MAPT: variants seen among roughly 807,000 people sequenced by gnomAD.
The protein encoded by MAPT is microtubule-associated protein tau.
A neutral mutation model predicts 67.9 loss-of-function variants in MAPT; 34 were observed. The observed-to-expected ratio is 0.50, with a 90% CI of 0.38 to 0.67. The LOEUF (loss-of-function observed/expected upper bound fraction) is 0.67, where lower values mean the gene tolerates loss of function less well. Ranked by LOEUF, MAPT falls within the 30% of genes least tolerant of loss-of-function variation. The pLI, the probability that MAPT is intolerant of heterozygous loss-of-function variation, is 0.00. For synonymous variants in MAPT, 456 were observed against 464.5 expected (o/e 0.98, Z 0.23); for missense variants, 881 against 1,115.2 (o/e 0.79, Z 2.99).
At chr17:46,018,929 C>T (rs1022330101) in intron 12 of MAPT, among the ~76,000 whole-genome samples, 199 bp downstream of exon 12, 2 of 152,186 alleles carry the variant, frequency 1.3e-5, no homozygotes, top group African/African-American at 2.4e-5. Flanking sequence ...CGTTTCACAC[C>T]TGGGCCCCAA....
chr17:45,905,230 A>G (rs1013713015), intron 1 of MAPT, among the ~76,000 whole-genome samples: 12 of 152,170 alleles, frequency 7.9e-5, no homozygotes, highest in African/African-American at 2.7e-4. Context: ...ATTAAAACCT[A>G]TTTAATATTT....
chr17:45,946,615 A>AAAAAAAAAAAAAAATATATATAT, intron 1 of MAPT, among the ~76,000 whole-genome samples: 16 of 100,382 alleles, frequency 1.6e-4, no homozygotes, highest in Non-Finnish European at 2.7e-4. Context: ...AAAAAAAAAA[A>AAAAAAAAAAAAAAATATATATAT]ATATATATAT....
At chr17:45,986,408 G>A (rs1017165445) in intron 5 of MAPT, among the ~76,000 whole-genome samples, 11 of 152,328 alleles carry the variant, frequency 7.2e-5, no homozygotes, top group African/African-American at 2.4e-4. Flanking sequence ...GCATAAGATG[G>A]CCAGGAAGGT....
At chr17:45,945,897 A>G (rs1201703494) in intron 1 of MAPT, among the ~76,000 whole-genome samples, 1 of 152,212 alleles carries the variant, frequency 6.6e-6, no homozygotes, top group East Asian at 1.9e-4. Context: ...CTGGTGTAAT[A>G]TGGTGCCATG....
chr17:45,913,444 G>A (rs1249790809), intron 1 of MAPT, among the ~76,000 whole-genome samples: 1 of 152,158 alleles, frequency 6.6e-6, no homozygotes. Context: ...GATAAATCAC[G>A]TGAAATATCG....
At chr17:45,966,853 T>A (rs185375554) in intron 2 of MAPT, among the ~76,000 whole-genome samples, 1 of 152,366 alleles carries the variant, frequency 6.6e-6, no homozygotes, top group East Asian at 1.9e-4. Context: ...GCCAACCTTT[T>A]AGAAATTGCT....
At chr17:45,956,842 CTG>C (rs758307448) in intron 1 of MAPT, among the ~76,000 whole-genome samples, 27 of 150,798 alleles carry the variant, frequency 1.8e-4, no homozygotes, top group East Asian at 7.8e-4. Flanking sequence ...TGAGAACATG[CTG>C]TGTTTGGTTT....
intron 1 of MAPT, among the ~76,000 whole-genome samples, chr17:45,926,692 T>C (rs1225348449): frequency 2.0e-5 from 3 of 151,812 alleles, no homozygotes; most frequent in Admixed American, 2.0e-4. Context: ...AGTATCAGAG[T>C]GTGTGGTGTG....
chr17:45,908,289 G>A (rs895851160), intron 1 of MAPT: 4 of 152,242 alleles, frequency 2.6e-5, no homozygotes, highest in Admixed American at 1.3e-4. Flanking sequence ...CATGCTTTCC[G>A]GAGGGGTCCA....
At chr17:45,898,714 G>A (rs925350605) in intron 1 of MAPT, 1 of 152,046 alleles carries the variant, frequency 6.6e-6, no homozygotes, top group African/African-American at 2.4e-5. Context: ...TATTTATTTA[G>A]CATCTTCCTT....
At chr17:45,907,161 C>T (rs2064372962) in intron 1 of MAPT, among the ~76,000 whole-genome samples, 1 of 152,162 alleles carries the variant, frequency 6.6e-6, no homozygotes, top group Admixed American at 6.5e-5. Flanking sequence ...ACCTCCCTGC[C>T]CAGTCCCGCC....
At chr17:45,960,712 A>G (rs2070295364) in intron 1 of MAPT, among the ~76,000 whole-genome samples, 1 of 152,144 alleles carries the variant, frequency 6.6e-6, no homozygotes, top group African/African-American at 2.4e-5. Context: ...CAACACTTTG[A>G]GAGGCGGATA....
intron 11 of MAPT, among the ~76,000 whole-genome samples, chr17:46,014,528 C>T (rs1202337290): frequency 6.6e-6 from 1 of 152,150 alleles, no homozygotes; most frequent in Non-Finnish European, 1.5e-5. Context: ...GCCATGCTGC[C>T]CAAGACAAGG....
chr17:46,002,630 G>A (rs1285858629), intron 9 of MAPT, among the ~76,000 whole-genome samples: 2 of 152,196 alleles, frequency 1.3e-5, no homozygotes, highest in Non-Finnish European at 2.9e-5. Flanking sequence ...TGGAAGCCCA[G>A]GATGGACAGA....
chr17:45,933,245 C>CTT (rs61564191), intron 1 of MAPT, among the ~76,000 whole-genome samples: 39,091 of 138,890 alleles, frequency 0.28, 7,174 homozygotes, highest in African/African-American at 0.48. Context: ...CTCTCTCTCC[C>CTT]TTTTTTTTTT....
intron 9 of MAPT, chr17:45,999,393 G>C: frequency 6.2e-7 from 1 of 1,614,054 alleles, no homozygotes; most frequent in Non-Finnish European, 8.5e-7. Flanking sequence ...TGTGTGAGTG[G>C]ATGATTCAGG....
chr17:45,972,392 C>T (rs979741464), intron 3 of MAPT, among the ~76,000 whole-genome samples: 1 of 152,192 alleles, frequency 6.6e-6, no homozygotes, highest in African/African-American at 2.4e-5. Flanking sequence ...ACTTTGGCCA[C>T]GGTGTTTGTT....
rs1478826708 is a variant in MAPT, at chr17:45,915,024, T to C, written c.-18+20338T>C. ...AGTCACCCTGCCCAGCCAATTGCTTTTTAAAAAAGATTAAATGCATGTATA... is the reference window on the plus strand; with the variant it reads ...AGTCACCCTGCCCAGCCAATTGCTTCTTAAAAAAGATTAAATGCATGTATA... On this transcript the variant is annotated intron_variant, in intron 1 of 12. Transcript: ENST00000262410. The surrounding 1 kb of genome is among the most constrained non-coding windows in gnomAD (Gnocchi z 4.4). Among the ~76,000 whole-genome samples the C allele has an allele frequency of 6.6e-6, 1 of 152,138 alleles. No homozygotes were observed. Among genetic ancestry groups the C allele is most frequent in the Non-Finnish European group, 1.5e-5 (1 of 68,026 alleles).
rs1440471688 is a variant in MAPT, at chr17:45,906,278, T to C, written c.-18+11592T>C. Among the ~76,000 whole-genome samples, 1 of 152,106 alleles carries C rather than the reference T, an allele frequency of 6.6e-6. No homozygotes were observed. Among genetic ancestry groups the C allele is most frequent in the East Asian group, 1.9e-4 (1 of 5,192 alleles). The stretch of plus-strand genomic sequence containing the variant: ...TGGAATTTCCTGGGAGCTTTTCTGT[T>C]TTTTCTGGAGTTTTCAGTTTTTTCC... On this transcript the variant is annotated intron_variant, in intron 1 of 12. Coordinates refer to ENST00000262410, the MANE Select transcript of MAPT (RefSeq NM_001377265.1). This position sits in a 1 kb window ranked among gnomAD's most constrained non-coding sequence, Gnocchi z 4.3.
Sources: allele counts gnomAD v4.1 joint callset (sites outside exome capture counted in the v4.1 genomes callset), GRCh38; gene constraint gnomAD v4.1.1; non-coding constraint Gnocchi (gnomAD v3.1); transcripts MANE v1.5; gene names NCBI Gene and HGNC (gene_info 2026-07-23, HGNC 2026-07-21).